Variants in CREBBP observed in about 807,000 individuals in gnomAD.
The protein encoded by CREBBP is CREB-binding protein.
Under a neutral mutation model 265.0 loss-of-function variants are expected in CREBBP, and 19 were observed. The observed-to-expected ratio is 0.07, with a 90% CI of 0.05 to 0.11. The LOEUF is 0.11. Among genes scored for constraint, CREBBP ranks in the 10% least tolerant of loss-of-function variants. The pLI, the probability that CREBBP is intolerant of heterozygous loss-of-function variation, is 1.00. For missense variants in CREBBP, 2,525 were observed against 3,219.0 expected, an observed-to-expected ratio of 0.78 and a Z score of 5.22; for synonymous variants, 1,457 against 1,223.7, an observed-to-expected ratio of 1.19 and a Z score of -3.98.
In CREBBP at chr16:3,777,648, A is replaced by G; in HGVS notation, c.2123T>C (p.Leu708Pro). 1 of 1,614,136 alleles carries G rather than the reference A, an allele frequency of 6.2e-7. No individual in the cohort carries two copies. The highest frequency in any genetic ancestry group is 8.5e-7 in the Non-Finnish European group (1 of 1,180,036). Residue 708 changes from leucine to proline, a missense_variant, in exon 11 of 31, where the codon CTG (leucine) becomes CCG (proline). Leu to Pro is a moderately conservative substitution (Grantham distance 98). Around this residue, in one of 19 missense-constraint regions of CREBBP, gnomAD observed 548 missense variants for 533.0 expected, o/e 1.03. Transcript: ENST00000262367. The part of the protein sequence containing the change: ...AQPVRPPNGP[L>P]SLPVNRMQVS... ...TTGCATGCGATTCACTGGCAGGGAC[A>G]GGGGTCCATCTATGGTGGCAAAACA... is the stretch of plus-strand genomic sequence containing the variant.
At chr16:3,770,165 C>G (rs1368399162) in intron 14 of CREBBP, among the ~76,000 whole-genome samples, 1 of 150,386 alleles carries the variant, frequency 6.6e-6, no homozygotes, top group African/African-American at 2.4e-5. Context: ...CCACCGCGCC[C>G]AGCCTCAATG....
chr16:3,879,395 C>G (rs1253752967), intron 1 of CREBBP, among the ~76,000 whole-genome samples: 1 of 152,176 alleles, frequency 6.6e-6, no homozygotes, highest in Non-Finnish European at 1.5e-5. Flanking sequence ...CAATGTGTCG[C>G]CAATCCAGAA....
chr16:3,736,959 G>A lies in CREBBP; in HGVS notation c.4395-144C>T. The A allele has an allele frequency of 3.9e-6, 4 of 1,028,912 alleles. No individual in the cohort carries two copies. The South Asian group carries it at 4.1e-5, about 10-fold the overall frequency. The allele number at this position is 1,028,912 out of a possible 1,614,324, so 63.7% of individuals were successfully genotyped here. ...ATGAATGCCCACAAAGCTGGGTGTGGTGGGGGCAAGGCTCGAACTTTATCC... is the reference window on the plus strand; with the variant it reads ...ATGAATGCCCACAAAGCTGGGTGTGATGGGGGCAAGGCTCGAACTTTATCC... On this transcript the variant is annotated intron_variant, in intron 26 of 30. Coordinates refer to ENST00000262367, the MANE Select transcript of CREBBP (RefSeq NM_004380.3).
chr16:3,861,174 C>G (rs570309996), intron 1 of CREBBP, among the ~76,000 whole-genome samples: 1 of 152,062 alleles, frequency 6.6e-6, no homozygotes, highest in Non-Finnish European at 1.5e-5. Flanking sequence ...CCCAGCTACT[C>G]GGGAAGCTGA....
intron 23 of CREBBP, 73 bp from the exon 24 acceptor site, chr16:3,740,622 C>A (rs917686704): frequency 6.4e-7 from 1 of 1,552,354 alleles, no homozygotes; most frequent in Non-Finnish European, 8.9e-7. Flanking sequence ...ACTAGAGAAT[C>A]CACCCCACTT....
At chr16:3,858,502 G>A (rs1362073353) in intron 1 of CREBBP, among the ~76,000 whole-genome samples, 3 of 152,132 alleles carry the variant, frequency 2.0e-5, no homozygotes, top group Non-Finnish European at 4.4e-5. Context: ...TAACGTGCGT[G>A]GGGCTGTAAG....
In CREBBP at chr16:3,758,889, G is replaced by A. The variant is rs896316073; in HGVS notation, c.3334C>T (p.Arg1112Trp). The change falls in exon 17 of 31, where the codon CGG becomes TGG. Residue 1112 changes from arginine (R) to tryptophan (W), a missense_variant. Physicochemically the swap from Arg to Trp is moderately radical, Grantham distance 101. Transcript: ENST00000262367. ...YRQDPESLPF[R>W]QPVDPQLLGI... The stretch of plus-strand genomic sequence containing the variant: ...AGGAGCTGGGGATCTACAGGCTGCC[G>A]GAAAGGTAATGACTCTGGGTCCTGT... The A allele has an allele frequency of 6.2e-7, 1 of 1,612,630 alleles. No homozygotes were observed. Among genetic ancestry groups the A allele is most frequent in the Non-Finnish European group, 8.5e-7 (1 of 1,179,998 alleles).
chr16:3,757,773 G>C, intron 18 of CREBBP, 36 bp downstream of exon 18: 1 of 1,612,006 alleles, frequency 6.2e-7, no homozygotes, highest in Non-Finnish European at 8.5e-7. Context: ...GGATTAACCA[G>C]GAAAATTCAC....
At chr16:3,851,831 G>C (rs1439111625) in intron 1 of CREBBP, among the ~76,000 whole-genome samples, 1 of 125,078 alleles carries the variant, frequency 8.0e-6, no homozygotes, top group African/African-American at 3.3e-5. Flanking sequence ...TCCGCAGTCC[G>C]ACCTGGGCGA....
intron 5 of CREBBP, among the ~76,000 whole-genome samples, chr16:3,783,781 G>A (rs1187947366): frequency 6.6e-6 from 1 of 152,212 alleles, no homozygotes; most frequent in African/African-American, 2.4e-5. Flanking sequence ...GCCCCATCCA[G>A]CTAGCTAACC....
At chr16:3,877,997 C>T (rs1021229084) in intron 1 of CREBBP, among the ~76,000 whole-genome samples, 7 of 152,234 alleles carry the variant, frequency 4.6e-5, no homozygotes, top group African/African-American at 1.7e-4. Flanking sequence ...ATAATGGACA[C>T]TACTATGGAA....
chr16:3,762,361 C>CTTT (rs35125490), intron 16 of CREBBP, among the ~76,000 whole-genome samples: 1,394 of 118,684 alleles, frequency 0.012, 40 homozygotes, highest in African/African-American at 0.04. Context: ...ATTTTCTTTC[C>CTTT]TTTTTTTTTT....
intron 6 of CREBBP, among the ~76,000 whole-genome samples, chr16:3,781,526 T>G (rs1596917825): frequency 1.3e-5 from 2 of 152,222 alleles, no homozygotes; most frequent in Middle Eastern, 3.4e-3. Flanking sequence ...CCCTCCCCAC[T>G]CTACTTTGTA....
intron 1 of CREBBP, among the ~76,000 whole-genome samples, chr16:3,873,425 A>G (rs147480850): frequency 5.3e-5 from 8 of 152,326 alleles, no homozygotes; most frequent in African/African-American, 1.9e-4. Context: ...GTGCTACACT[A>G]TCACACGCGT....
chr16:3,839,854 A>G (rs2054532865), intron 2 of CREBBP, among the ~76,000 whole-genome samples: 2 of 151,824 alleles, frequency 1.3e-5, no homozygotes, highest in South Asian at 4.2e-4. Flanking sequence ...AGAGAGGAAG[A>G]GTGAGAGAAA....
intron 21 of CREBBP, among the ~76,000 whole-genome samples, chr16:3,748,707 C>A (rs778030928): frequency 2.6e-5 from 4 of 152,310 alleles, no homozygotes; most frequent in East Asian, 3.9e-4. Context: ...TAGCCAGTAT[C>A]GCCATGCCAA....
At chr16:3,779,998 T>G (rs754056489) in intron 8 of CREBBP, among the ~76,000 whole-genome samples, 1 of 151,920 alleles carries the variant, frequency 6.6e-6, no homozygotes, top group Non-Finnish European at 1.5e-5. Context: ...CCCCAGCACT[T>G]CGGGAGGCTG....
chr16:3,859,099 C>G (rs2055020911), intron 1 of CREBBP, among the ~76,000 whole-genome samples: 1 of 152,050 alleles, frequency 6.6e-6, no homozygotes, highest in Admixed American at 6.6e-5. Context: ...TTTTGCATTA[C>G]TTTTGTAATA....
chr16:3,877,043 T>C (rs759015264), intron 1 of CREBBP, among the ~76,000 whole-genome samples: 1 of 152,300 alleles, frequency 6.6e-6, no homozygotes, highest in African/African-American at 2.4e-5. Flanking sequence ...TCTACAGACA[T>C]GCACTGCAGT....
Sources: allele counts gnomAD v4.1 joint callset (sites outside exome capture counted in the v4.1 genomes callset), GRCh38; gene constraint gnomAD v4.1.1; regional missense constraint gnomAD v4.1.1; transcripts MANE v1.5; gene names NCBI Gene and HGNC (gene_info 2026-07-23, HGNC 2026-07-21).